Variants in SHTN1 observed in about 807,000 individuals in gnomAD.
The protein encoded by SHTN1 is shootin-1.
In SHTN1, 42 loss-of-function variants were observed where a neutral mutation model predicts 83.1. The ratio of observed to expected loss-of-function variants is 0.51; its 90% CI spans 0.39 to 0.65. SHTN1 has a LOEUF of 0.65. SHTN1 is among the 30% of genes least tolerant of loss of function. The probability of loss-of-function intolerance (pLI) is 0.00; values close to 1 mark genes in which losing one functional copy is unlikely to be tolerated. For missense variants in SHTN1, 622 were observed against 737.8 expected (o/e 0.84, Z 1.82); for synonymous variants, 224 against 247.7 (o/e 0.90, Z 0.90).
chr10:116,933,300 T>C (rs1241222769), intron 9 of SHTN1, among the ~76,000 whole-genome samples: 1 of 152,110 alleles, frequency 6.6e-6, no homozygotes, highest in African/African-American at 2.4e-5. Flanking sequence ...GTGTTTCTCC[T>C]AATGCTATCC....
chr10:116,960,894 A>G (rs1211095104), intron 3 of SHTN1, among the ~76,000 whole-genome samples: 1 of 152,222 alleles, frequency 6.6e-6, no homozygotes, highest in Admixed American at 6.5e-5. Flanking sequence ...ATAAAATTTT[A>G]CTTGATATGT....
chr10:117,116,992 G>A (rs1853858043), intron 1 of SHTN1, among the ~76,000 whole-genome samples: 1 of 151,984 alleles, frequency 6.6e-6, no homozygotes, highest in East Asian at 1.9e-4. Flanking sequence ...TCTAAGATGT[G>A]GAACAAGACA....
intron 2 of SHTN1, among the ~76,000 whole-genome samples, chr10:117,011,375 T>G (rs934141363): frequency 6.6e-5 from 10 of 152,246 alleles, no homozygotes; most frequent in African/African-American, 2.4e-4. Flanking sequence ...TTGAGTGGTC[T>G]TGGTACCCTT....
intron 3 of SHTN1, among the ~76,000 whole-genome samples, chr10:116,964,301 T>C (rs1850313200): frequency 6.6e-6 from 1 of 152,212 alleles, no homozygotes; most frequent in South Asian, 2.1e-4. Flanking sequence ...GTAGGGATCA[T>C]CACAGCAATT....
chr10:117,123,484 AC>A (rs1367725995), intron 1 of SHTN1, among the ~76,000 whole-genome samples: 4 of 152,138 alleles, frequency 2.6e-5, no homozygotes, highest in Non-Finnish European at 5.9e-5. Flanking sequence ...ACACCCCTTA[AC>A]TTCCAATAAT....
chr10:116,950,448 G>A (rs1419112008), intron 6 of SHTN1, among the ~76,000 whole-genome samples: 4 of 152,190 alleles, frequency 2.6e-5, no homozygotes, highest in East Asian at 1.9e-4. Flanking sequence ...GATTACAGGC[G>A]TGAGCCACTG....
chr10:117,125,793 A>G (rs1259194121), intron 1 of SHTN1, among the ~76,000 whole-genome samples: 1 of 152,106 alleles, frequency 6.6e-6, no homozygotes, highest in Non-Finnish European at 1.5e-5. Context: ...CACTGTGCTT[A>G]CTTTCCCTCG....
At chr10:116,983,679 G>C (rs201035660) in intron 1 of SHTN1, among the ~76,000 whole-genome samples, 6 of 18,018 alleles carry the variant, frequency 3.3e-4, no homozygotes, top group African/African-American at 4.6e-4. Context: ...TAGATAGATA[G>C]ATAGATAAAT....
At chr10:117,025,816 A>G (rs2133567938) in intron 2 of SHTN1, among the ~76,000 whole-genome samples, 1 of 152,220 alleles carries the variant, frequency 6.6e-6, no homozygotes, top group East Asian at 1.9e-4. Context: ...ACCCTAGGCC[A>G]AAAGGGAACC....
At chr10:116,966,799 A>T (rs999009340) in intron 3 of SHTN1, among the ~76,000 whole-genome samples, 1 of 152,236 alleles carries the variant, frequency 6.6e-6, no homozygotes, top group Non-Finnish European at 1.5e-5. Context: ...CCAATCCATT[A>T]TCAATAATTC....
chr10:116,907,268 G>A (rs1564870124), intron 14 of SHTN1, among the ~76,000 whole-genome samples: 1 of 152,234 alleles, frequency 6.6e-6, no homozygotes, highest in East Asian at 1.9e-4. Context: ...CTCTCCAGGG[G>A]CCGACCCAAA....
intron 1 of SHTN1, among the ~76,000 whole-genome samples, chr10:116,984,720 T>C (rs1851164820): frequency 6.6e-6 from 1 of 152,158 alleles, no homozygotes; most frequent in African/African-American, 2.4e-5. Flanking sequence ...CCTATCTAGT[T>C]CTAACTTCCT....
At chr10:117,045,373 C>T (rs1852646010) in intron 2 of SHTN1, among the ~76,000 whole-genome samples, 1 of 152,194 alleles carries the variant, frequency 6.6e-6, no homozygotes, top group Non-Finnish European at 1.5e-5. Flanking sequence ...AGCCCAGAGG[C>T]ACAGGCTCAC....
At chr10:117,074,376 C>G (rs1245766073) in intron 1 of SHTN1, among the ~76,000 whole-genome samples, 2 of 152,188 alleles carry the variant, frequency 1.3e-5, no homozygotes, top group Non-Finnish European at 2.9e-5. Flanking sequence ...CAGTACCCAA[C>G]TGTCAGAATT....
intron 13 of SHTN1, 26 bp downstream of exon 13, chr10:116,915,349 G>GA (rs1848347233): frequency 8.3e-7 from 1 of 1,202,490 alleles, no homozygotes. Context: ...ATCAAACAGG[G>GA]AAAAAAGCAT....
intron 11 of SHTN1, 129 bp downstream of exon 11, chr10:116,927,663 T>C: frequency 7.8e-7 from 1 of 1,276,432 alleles, no homozygotes; most frequent in East Asian, 2.7e-5. Context: ...ACCATATCAC[T>C]GGCCTTTAGA....
intron 2 of SHTN1, 55 bp from the exon 3 acceptor site, chr10:116,968,767 A>T: frequency 1.4e-6 from 2 of 1,419,546 alleles, no homozygotes; most frequent in African/African-American, 1.4e-5. Context: ...TTTAAGTTTG[A>T]AAAGGCAAGC....
intron 2 of SHTN1, among the ~76,000 whole-genome samples, chr10:117,043,745 G>A (rs781029020): frequency 1.1e-4 from 17 of 152,024 alleles, no homozygotes; most frequent in Non-Finnish European, 2.4e-4. Flanking sequence ...AGGAAGCTGA[G>A]CTGGGAGTAT....
intron 15 of SHTN1, among the ~76,000 whole-genome samples, chr10:116,905,013 A>G (rs977760076): frequency 1.9e-4 from 29 of 151,606 alleles, no homozygotes; most frequent in Non-Finnish European, 3.8e-4. Context: ...CATCCTGGCT[A>G]ACAAGGTGAA....
Sources: allele counts gnomAD v4.1 joint callset (sites outside exome capture counted in the v4.1 genomes callset), GRCh38; gene constraint gnomAD v4.1.1; transcripts MANE v1.5; gene names NCBI Gene and HGNC (gene_info 2026-07-23, HGNC 2026-07-21).